The following SLC24A2 variants were observed in gnomAD, a reference collection of about 807,000 sequenced individuals.
SLC24A2 encodes solute carrier family 24 member 2.
A neutral mutation model predicts 62.0 loss-of-function variants in SLC24A2; 36 were observed. The observed-to-expected ratio is 0.58, with a 90% CI of 0.44 to 0.77. The LOEUF (loss-of-function observed/expected upper bound fraction) is 0.77, where lower values mean the gene tolerates loss of function less well. SLC24A2 is among the 30% of genes least tolerant of loss of function. The pLI is 0.00. For missense variants in SLC24A2, 846 were observed against 817.9 expected, an observed-to-expected ratio of 1.03 and a Z score of -0.42; for synonymous variants, 358 against 294.0, an observed-to-expected ratio of 1.22 and a Z score of -2.23.
intron 2 of SLC24A2, among the ~76,000 whole-genome samples, chr9:19,646,327 G>A (rs1818637661): frequency 6.6e-6 from 1 of 152,156 alleles, no homozygotes; most frequent in Non-Finnish European, 1.5e-5. Context: ...TTACCCAACA[G>A]ATCATTTCCG....
the SLC24A2 span, chr9:19,928,701 G>C: frequency 2.0e-5 from 3 of 152,138 alleles, no homozygotes; most frequent in Non-Finnish European, 2.9e-5. Flanking sequence ...TTATAAGGTA[G>C]GCATTGCACT....
chr9:20,294,563 A>G, the SLC24A2 span, among the ~76,000 whole-genome samples: 1 of 152,176 alleles, frequency 6.6e-6, no homozygotes, highest in African/African-American at 2.4e-5. Context: ...CTTTCTTAAG[A>G]TACATGTTGA....
At chr9:19,994,717 C>A in the SLC24A2 span, among the ~76,000 whole-genome samples, 2 of 152,206 alleles carry the variant, frequency 1.3e-5, no homozygotes, top group Non-Finnish European at 2.9e-5. Flanking sequence ...GGGCTGCCAT[C>A]TACTTCCCTG....
At chr9:19,979,723 T>G in the SLC24A2 span, among the ~76,000 whole-genome samples, 1 of 152,184 alleles carries the variant, frequency 6.6e-6, no homozygotes, top group African/African-American at 2.4e-5. Context: ...CCCAATATCC[T>G]AAGGTAATCC....
Position 19,787,030 on chromosome 9 carries a change from A to G in SLC24A2, c.-153-11T>C, listed in dbSNP as rs901882006. ...CTTTCATCATTTATGCTTAAATAAA[A>G]ATAAAAACGAGAATAAGTAAATCAT... On this transcript the variant is annotated splice_polypyrimidine_tract_variant and intron_variant, in intron 1 of 10. Transcript: ENST00000341998. The G allele has an allele frequency of 7.3e-7, 1 of 1,373,410 alleles. No homozygotes were observed. Among genetic ancestry groups the G allele is most frequent in the Non-Finnish European group, 9.4e-7 (1 of 1,064,816 alleles). 85.1% of individuals were successfully genotyped at this position (1,373,410 alleles called of 1,614,324 possible).
the SLC24A2 span, among the ~76,000 whole-genome samples, chr9:20,239,114 G>A: frequency 3.6e-4 from 55 of 152,328 alleles, no homozygotes; most frequent in African/African-American, 1.3e-3. Context: ...ACAACAGTCT[G>A]AGCTGACTAA....
chr9:20,138,884 T>A, the SLC24A2 span, among the ~76,000 whole-genome samples: 4 of 152,324 alleles, frequency 2.6e-5, no homozygotes, highest in South Asian at 4.1e-4. Flanking sequence ...GGCGAAGGCC[T>A]CATTGATGAT....
intron 1 of SLC24A2, chr9:19,788,524 C>A: frequency 2.2e-5 from 22 of 985,456 alleles, no homozygotes; most frequent in Non-Finnish European, 2.7e-5. Flanking sequence ...AAAGGACAGA[C>A]GCCCCACCTG....
At chr9:19,736,354 T>C (rs1160305411) in intron 2 of SLC24A2, among the ~76,000 whole-genome samples, 2 of 152,166 alleles carry the variant, frequency 1.3e-5, no homozygotes, top group African/African-American at 2.4e-5. Context: ...TTAAATCTAA[T>C]TAACTGATTA....
the SLC24A2 span, among the ~76,000 whole-genome samples, chr9:20,018,226 C>T: frequency 3.9e-5 from 6 of 152,210 alleles, no homozygotes; most frequent in African/African-American, 1.4e-4. Flanking sequence ...GGATTACAGG[C>T]ATGAGCCACT....
intron 7 of SLC24A2, among the ~76,000 whole-genome samples, chr9:19,564,144 C>A (rs536286576): frequency 1.7e-3 from 259 of 152,140 alleles, no homozygotes; most frequent in African/African-American, 4.0e-3. Flanking sequence ...AGGTGTGAGC[C>A]ACCATGCCTG....
the SLC24A2 span, among the ~76,000 whole-genome samples, chr9:20,141,580 C>T: frequency 1.3e-5 from 2 of 151,608 alleles, no homozygotes; most frequent in East Asian, 1.9e-4. Context: ...ATATTCTGAT[C>T]ATTCTATAAT....
intron 10 of SLC24A2, among the ~76,000 whole-genome samples, chr9:19,519,287 C>G (rs970517687): frequency 6.6e-6 from 1 of 151,654 alleles, no homozygotes; most frequent in Non-Finnish European, 1.5e-5. Flanking sequence ...AGAGAACATA[C>G]AACAAAGAAG....
At chr9:19,944,375 A>T in the SLC24A2 span, among the ~76,000 whole-genome samples, 6 of 151,608 alleles carry the variant, frequency 4.0e-5, no homozygotes, top group African/African-American at 1.5e-4. Context: ...AAACCTCAAC[A>T]TCATGCAATA....
At position 19,572,298 on chromosome 9, in the gene SLC24A2, C is replaced by T. The variant is rs889643740; in HGVS notation, c.1347+1053G>A. On this transcript the variant is annotated intron_variant, in intron 7 of 10. Transcript: ENST00000341998. ...AAAAAAAAAATGGAGCTACTAATGC[C>T]TACACCTTCAGCTGTGAGGTTAAAG... Among the ~76,000 whole-genome samples, 11 of 151,082 alleles carry T rather than the reference C, an allele frequency of 7.3e-5. 1 individual carries two copies. Among genetic ancestry groups the T allele is most frequent in the Non-Finnish European group, 1.3e-4 (9 of 67,868 alleles).
chr9:20,095,612 AG>A, the SLC24A2 span, among the ~76,000 whole-genome samples: 23 of 152,106 alleles, frequency 1.5e-4, no homozygotes, highest in Admixed American at 1.5e-3. Context: ...TTGGTTGAAC[AG>A]CTCACTGACT....
chr9:19,993,157 G>A, the SLC24A2 span, among the ~76,000 whole-genome samples: 195 of 152,302 alleles, frequency 1.3e-3, 1 homozygote, highest in Middle Eastern at 3.4e-3. Context: ...AGTTGCCCAA[G>A]ATCACAGAGC....
chr9:20,270,729 C>T, the SLC24A2 span, among the ~76,000 whole-genome samples: 5 of 152,126 alleles, frequency 3.3e-5, no homozygotes, highest in Non-Finnish European at 7.4e-5. Context: ...TAACAGTTAA[C>T]AATGGGACAA....
the SLC24A2 span, among the ~76,000 whole-genome samples, chr9:20,159,687 A>T: frequency 6.6e-6 from 1 of 151,702 alleles, no homozygotes; most frequent in South Asian, 2.1e-4. Flanking sequence ...TCAGCAAATA[A>T]CATTCATTTA....
Sources: gnomAD v4.1 joint callset for allele counts (sites outside exome capture counted in the v4.1 genomes callset) on GRCh38, gnomAD v4.1.1 for gene constraint, MANE v1.5 for transcripts, NCBI Gene and HGNC (gene_info 2026-07-23, HGNC 2026-07-21) for gene names.